ITPR1: variants seen among roughly 807,000 people sequenced by gnomAD.
The protein encoded by ITPR1 is inositol 1,4,5-trisphosphate receptor type 1.
ITPR1 carries 96 observed loss-of-function variants against 318.4 expected under a neutral mutation model. That is an observed-to-expected ratio of 0.30 (90% CI 0.26 to 0.36). ITPR1 has a LOEUF of 0.36. ITPR1 is among the 10% of genes least tolerant of loss of function. The pLI is 1.00. For synonymous variants in ITPR1, 1,312 were observed against 1,289.9 expected (o/e 1.02, Z -0.37); for missense variants, 2,440 against 3,460.2 (o/e 0.71, Z 7.40).
intron 4 of ITPR1, among the ~76,000 whole-genome samples, chr3:4,587,606 G>C (rs1347901193): frequency 6.6e-6 from 1 of 152,160 alleles, no homozygotes; most frequent in Non-Finnish European, 1.5e-5. Context: ...GGTCTGGACT[G>C]TGCATTTTGA....
At chr3:4,778,735 A>T (rs1177568467) in intron 48 of ITPR1, among the ~76,000 whole-genome samples, 1 of 152,198 alleles carries the variant, frequency 6.6e-6, no homozygotes, top group Non-Finnish European at 1.5e-5. Flanking sequence ...CCAGTGATCT[A>T]TGGATGATGA....
chr3:4,505,906 G>A (rs950438780), intron 2 of ITPR1, among the ~76,000 whole-genome samples: 1 of 152,222 alleles, frequency 6.6e-6, no homozygotes, highest in African/African-American at 2.4e-5. Flanking sequence ...GGACTTTGCT[G>A]TTTGGCAGAG....
chr3:4,735,042 G>A (rs2043175470), intron 43 of ITPR1, 122 bp from the exon 44 acceptor site: 1 of 738,204 alleles, frequency 1.4e-6, no homozygotes, highest in South Asian at 1.9e-5. Context: ...GGGATTAAAA[G>A]GGTTAAAAGA....
At chr3:4,527,112 G>T (rs1034262287) in intron 4 of ITPR1, among the ~76,000 whole-genome samples, 1 of 152,194 alleles carries the variant, frequency 6.6e-6, no homozygotes, top group Non-Finnish European at 1.5e-5. Flanking sequence ...AGCTGGTCCA[G>T]TGCCATGTGA....
intron 4 of ITPR1, among the ~76,000 whole-genome samples, chr3:4,550,509 A>G (rs753071707): frequency 1.2e-4 from 19 of 152,238 alleles, no homozygotes; most frequent in Non-Finnish European, 2.9e-5. Context: ...AAATATCCCT[A>G]AACTGTTACA....
intron 4 of ITPR1, among the ~76,000 whole-genome samples, chr3:4,576,392 G>C (rs1380086609): frequency 2.0e-5 from 3 of 152,222 alleles, no homozygotes; most frequent in African/African-American, 7.2e-5. Flanking sequence ...TCTGAGGTGA[G>C]GCCTTGGGTT....
Position 4,777,338 on chromosome 3 carries a change from G to C in ITPR1, c.6255G>C (p.Leu2085Phe). Residue 2085 changes from leucine to phenylalanine, a missense_variant, in exon 48 of 62, where the codon TTG becomes TTC. Leu to Phe is a conservative substitution (Grantham distance 22). Transcript: ENST00000649015. ...TALILNDINP[L>F]GKKRMDLVLE... ...TGATCCTCAATGATATCAATCCTTT[G>C]GGAAAGAAGAGGATGGACCTTGTGT... is the stretch of plus-strand genomic sequence containing the variant. The C allele has an allele frequency of 6.2e-7, 1 of 1,605,328 alleles. No homozygotes were observed. Among genetic ancestry groups the C allele is most frequent in the Non-Finnish European group, 8.5e-7 (1 of 1,175,446 alleles).
chr3:4,814,927 T>G lies in ITPR1; in HGVS notation c.7702-126T>G. ...ATGAAAAGAGATGCAGTTTTCAGTT[T>G]AAAAGTTGAATGCCCAATTTAATTT... On this transcript the variant is annotated intron_variant, in intron 58 of 61. Transcript: ENST00000649015. The G allele has an allele frequency of 2.4e-6, 2 of 819,044 alleles. 1 individual carries two copies. The highest frequency in any genetic ancestry group is 3.6e-5 in the South Asian group (2 of 55,330). 50.7% of individuals were successfully genotyped at this position (819,044 alleles called of 1,614,324 possible). A position where few individuals can be genotyped will look rare whatever the true frequency, so the allele number is the denominator to read the frequency against.
At chr3:4,811,150 A>C in intron 55 of ITPR1, 115 bp from the exon 56 acceptor site, 1 of 584,110 alleles carries the variant, frequency 1.7e-6, no homozygotes, top group East Asian at 2.9e-5. Context: ...GATCATATGT[A>C]GTGCTTTTGA....
chr3:4,556,936 T>G (rs6803663), intron 4 of ITPR1, among the ~76,000 whole-genome samples: 68,812 of 151,956 alleles, frequency 0.45, 16,275 homozygotes, highest in East Asian at 0.63. Flanking sequence ...TACTTAACAT[T>G]GTGCTGAATG....
At position 4,674,252 on chromosome 3, in the gene ITPR1, A is replaced by G. The variant is rs1385950440; in HGVS notation, c.2507A>G (p.Gln836Arg). Residue 836 changes from glutamine (Q) to arginine (R), a missense_variant, in exon 22 of 62, where the codon CAG becomes CGG. Around this residue, in one of 23 missense-constraint regions of ITPR1, gnomAD observed 478 missense variants for 696.3 expected, o/e 0.69. Transcript: ENST00000649015. ...GATGAAATTAAGGAGAGATTTGCTC[A>G]GACCATGGAGTTTGTGGAGGAGTAT... Reference protein sequence around the residue: ...SKDEIKERFAQTMEFVEEYLR... With the variant: ...SKDEIKERFARTMEFVEEYLR... 6.4e-7 allele frequency: 1 copy of G among 1,573,898 alleles called. No homozygotes were observed. The highest frequency in any genetic ancestry group is 2.3e-5 in the East Asian group (1 of 43,616).
At chr3:4,820,911 C>G (rs934997260) in intron 60 of ITPR1, among the ~76,000 whole-genome samples, 3 of 152,168 alleles carry the variant, frequency 2.0e-5, no homozygotes, top group Non-Finnish European at 2.9e-5. Context: ...GGGGCTGGGG[C>G]CCCATGGGAC....
At chr3:4,561,417 C>T (rs1013822960) in intron 4 of ITPR1, among the ~76,000 whole-genome samples, 1 of 152,186 alleles carries the variant, frequency 6.6e-6, no homozygotes, top group Non-Finnish European at 1.5e-5. Flanking sequence ...ATTTGACCAG[C>T]TTTCCAGCTT....
intron 4 of ITPR1, among the ~76,000 whole-genome samples, chr3:4,594,712 C>A (rs1339939720): frequency 1.3e-5 from 2 of 152,102 alleles, no homozygotes; most frequent in African/African-American, 2.4e-5. Flanking sequence ...CCACCTCCCA[C>A]CCCCACCATG....
At chr3:4,658,817 A>C (rs17041133) in intron 13 of ITPR1, among the ~76,000 whole-genome samples, 16,807 of 151,956 alleles carry the variant, frequency 0.11, 2,125 homozygotes, top group African/African-American at 0.31. Context: ...TGGACTATAA[A>C]TAGGGAAACA....
intron 10 of ITPR1, among the ~76,000 whole-genome samples, chr3:4,646,931 A>G (rs2686605): frequency 6.6e-6 from 1 of 151,544 alleles, no homozygotes. Context: ...GGTCTAGCCT[A>G]TGTATAGTAT....
At position 4,663,194 on chromosome 3, in the gene ITPR1, T is replaced by C; in HGVS notation, c.1542T>C (p.Asn514=). ...RERQKLMREQ[N]ILKQIFKLLQ... Reference sequence around the variant, plus strand: ...GGCAGAAACTGATGAGAGAACAGAATATTCTCAAGCAGGTCGGTGAGATGT... The same window carrying C: ...GGCAGAAACTGATGAGAGAACAGAACATTCTCAAGCAGGTCGGTGAGATGT... The change falls in exon 16 of 62, where the codon AAT becomes AAC. Residue 514 remains asparagine (N), a synonymous_variant. Transcript: ENST00000649015. 6.2e-7 allele frequency: 1 copy of C among 1,612,570 alleles called. No individual in the cohort carries two copies. Among genetic ancestry groups the C allele is most frequent in the Non-Finnish European group, 8.5e-7 (1 of 1,179,084 alleles).
rs181285635 is a variant in ITPR1 at position 4,687,111 on chromosome 3, C to T, written c.3703-1384C>T. Reference sequence around the variant, plus strand: ...GGGTTAGCAAACTACAGGCATGGGCCGAATCTAATCCACCACCTGTTTTGA... The same window carrying T: ...GGGTTAGCAAACTACAGGCATGGGCTGAATCTAATCCACCACCTGTTTTGA... On this transcript the variant is annotated intron_variant, in intron 30 of 61. Transcript: ENST00000649015. 2.3e-3 allele frequency among the ~76,000 whole-genome samples: 352 copies of T among 152,270 alleles called. 1 individual carries two copies. Among genetic ancestry groups the T allele is most frequent in the African/African-American group, 8.1e-3 (337 of 41,538 alleles).
At chr3:4,497,220 C>G (rs1327381813) in intron 2 of ITPR1, among the ~76,000 whole-genome samples, 1 of 152,156 alleles carries the variant, frequency 6.6e-6, no homozygotes, top group Non-Finnish European at 1.5e-5. Flanking sequence ...GAGAATAAGC[C>G]AGATACACCA....
Sources: allele counts gnomAD v4.1 joint callset (sites outside exome capture counted in the v4.1 genomes callset), GRCh38; gene constraint gnomAD v4.1.1; regional missense constraint gnomAD v4.1.1; transcripts MANE v1.5; gene names NCBI Gene and HGNC (gene_info 2026-07-23, HGNC 2026-07-21).